UBA2: variants seen among roughly 807,000 people sequenced by gnomAD.
UBA2 encodes the protein SUMO-activating enzyme subunit 2.
UBA2 carries 11 observed loss-of-function variants against 77.2 expected under a neutral mutation model. The observed-to-expected ratio is 0.14, with a 90% confidence interval of 0.09 to 0.24. UBA2 has a LOEUF of 0.24. Ranked by LOEUF, UBA2 falls within the 10% of genes least tolerant of loss-of-function variation. The pLI, the probability that UBA2 is intolerant of heterozygous loss-of-function variation, is 1.00. For missense variants in UBA2, 487 were observed against 781.7 expected (o/e 0.62, Z 4.50); for synonymous variants, 278 against 276.7 (o/e 1.00, Z -0.05).
Position 34,454,587 on chromosome 19 carries a change from C to A in UBA2, c.1245+31C>A, listed in dbSNP as rs755317821. 7 of 1,087,216 alleles carry A rather than the reference C, an allele frequency of 6.4e-6. No individual in the cohort carries two copies. In the South Asian group the frequency reaches 1.1e-4, roughly 17 times the overall value. 67.3% of individuals were successfully genotyped at this position (1,087,216 alleles called of 1,614,324 possible). On this transcript the variant is annotated intron_variant, in intron 12 of 16. Coordinates refer to ENST00000246548, the MANE Select transcript of UBA2 (RefSeq NM_005499.3). ...TATTTCTGTTTGCATTTTTATGCAA[C>A]CCCCCTTAAAAAAATCATTAATTAA... is the stretch of plus-strand genomic sequence containing the variant.
intron 1 of UBA2, 49 bp downstream of exon 1, chr19:34,428,619 T>TGGGATTCGG (rs1185795607): frequency 3.3e-6 from 3 of 904,370 alleles, no homozygotes; most frequent in Non-Finnish European, 4.1e-6. Flanking sequence ...GTGCGGGGGC[T>TGGGATTCGG]GGGATTCGGG....
intron 8 of UBA2, among the ~76,000 whole-genome samples, chr19:34,448,200 G>A (rs2075452131): frequency 6.6e-6 from 1 of 152,116 alleles, no homozygotes; most frequent in African/African-American, 2.4e-5. Flanking sequence ...GTTGTGCAGT[G>A]CCAGAATAAT....
chr19:34,433,267 T>A, intron 3 of UBA2, 81 bp from the exon 4 acceptor site: 1 of 1,006,768 alleles, frequency 9.9e-7, no homozygotes, highest in South Asian at 1.4e-5. Context: ...TACTATGTTT[T>A]TTTCAGAACT....
At chr19:34,429,085 A>T (rs1461905102) in intron 1 of UBA2, 1 of 984,612 alleles carries the variant, frequency 1.0e-6, no homozygotes, top group Non-Finnish European at 1.2e-6. Flanking sequence ...GAGGAGTGCA[A>T]ACGCTATTTC....
Position 34,443,725 on chromosome 19 carries a change from C to T in UBA2, c.582-119C>T, listed in dbSNP as rs1235504381. 1.0e-5 allele frequency: 7 copies of T among 701,848 alleles called. No homozygotes were observed. The African/African-American group carries it at 1.2e-4, about 13-fold the overall frequency. 43.5% of individuals were successfully genotyped at this position (701,848 alleles called of 1,614,324 possible). On this transcript the variant is annotated intron_variant, in intron 6 of 16. Coordinates refer to ENST00000246548, the MANE Select transcript of UBA2 (RefSeq NM_005499.3). ...AAAATGTTGGGATTAAAGGTGTGAG[C>T]CACTGCGCCCAGCCAGTTGTTCAGT...
At position 34,456,888 on chromosome 19, in the gene UBA2, A is replaced by T. The variant is rs575704520; in HGVS notation, c.1246-1881A>T. Among the ~76,000 whole-genome samples the T allele has an allele frequency of 5.9e-4, 89 of 151,992 alleles. No individual in the cohort carries two copies. In the East Asian group the frequency reaches 7.2e-3, roughly 12 times the overall value. On this transcript the variant is annotated intron_variant, in intron 12 of 16. Transcript: ENST00000246548. ...CCAGTTTTTAAATTATTTAAAAAAA[A>T]TTTTTTATAGCAGCCTGAAGCTGTA...
At chr19:34,454,972 A>C (rs2075542280) in intron 12 of UBA2, among the ~76,000 whole-genome samples, 1 of 152,018 alleles carries the variant, frequency 6.6e-6, no homozygotes, top group Non-Finnish European at 1.5e-5. Context: ...AATGTCTGAG[A>C]TCTTTATGGG....
At chr19:34,460,975 G>A (rs779625426) in intron 14 of UBA2, among the ~76,000 whole-genome samples, 1 of 152,148 alleles carries the variant, frequency 6.6e-6, no homozygotes, top group African/African-American at 2.4e-5. Flanking sequence ...TCAGTGCCCG[G>A]TTTTGGCTTT....
intron 13 of UBA2, among the ~76,000 whole-genome samples, chr19:34,459,684 T>G (rs573622286): frequency 6.6e-6 from 1 of 152,306 alleles, no homozygotes; most frequent in African/African-American, 2.4e-5. Context: ...ACTTTCCACT[T>G]TGGGATCACT....
At position 34,463,923 on chromosome 19, in the gene UBA2, G is replaced by C. The variant is rs1044815631; in HGVS notation, c.1499-103G>C. The C allele has an allele frequency of 5.3e-6, 4 of 756,762 alleles. No individual in the cohort carries two copies. The African/African-American group carries it at 7.0e-5, about 13-fold the overall frequency. 46.9% of individuals were successfully genotyped at this position (756,762 alleles called of 1,614,324 possible). A position where few individuals can be genotyped will look rare whatever the true frequency, so the allele number is the denominator to read the frequency against. Reference sequence around the variant, plus strand: ...TTTCAACCTTTGGATTTTGGTGAACGGGACACAAATCAGCCCATAACAGAG... The same window carrying C: ...TTTCAACCTTTGGATTTTGGTGAACCGGACACAAATCAGCCCATAACAGAG... On this transcript the variant is annotated intron_variant, in intron 14 of 16. Coordinates refer to ENST00000246548, the MANE Select transcript of UBA2 (RefSeq NM_005499.3).
At chr19:34,440,449 G>C (rs1236192878) in intron 6 of UBA2, among the ~76,000 whole-genome samples, 1 of 152,092 alleles carries the variant, frequency 6.6e-6, no homozygotes, top group Non-Finnish European at 1.5e-5. Flanking sequence ...AACTTGCAAG[G>C]AGTATATTGT....
chr19:34,450,147 A>G (rs2075476578), intron 8 of UBA2, 118 bp from the exon 9 acceptor site: 2 of 662,606 alleles, frequency 3.0e-6, no homozygotes, highest in Non-Finnish European at 5.2e-6. Flanking sequence ...TGCTGCTGGT[A>G]TATGACATGT....
At chr19:34,467,361 A>G (rs1441208748) in intron 16 of UBA2, among the ~76,000 whole-genome samples, 1 of 151,606 alleles carries the variant, frequency 6.6e-6, no homozygotes, top group African/African-American at 2.4e-5. Context: ...AGTCTCCGCT[A>G]CTCAGGAGGC....
At chr19:34,457,179 A>AAAAAATATATATAT (rs1262007864) in intron 12 of UBA2, among the ~76,000 whole-genome samples, 1 of 53,222 alleles carries the variant, frequency 1.9e-5, no homozygotes, top group African/African-American at 1.2e-4. Flanking sequence ...AAAAAAAAAA[A>AAAAAATATATATAT]ATATATATAT....
intron 5 of UBA2, among the ~76,000 whole-genome samples, chr19:34,436,155 G>T (rs1176626149): frequency 1.3e-5 from 2 of 151,810 alleles, no homozygotes; most frequent in African/African-American, 4.8e-5. Context: ...TTGTCTAAGA[G>T]TCTGGGCTTA....
At chr19:34,444,849 A>G (rs2075411326) in intron 7 of UBA2, 151 bp from the exon 8 acceptor site, 2 of 740,310 alleles carry the variant, frequency 2.7e-6, no homozygotes, top group Non-Finnish European at 4.3e-6. Context: ...AAAGATGCTG[A>G]TGAATGTGTT....
At chr19:34,435,973 C>T (rs941784797) in intron 5 of UBA2, among the ~76,000 whole-genome samples, 4 of 151,564 alleles carry the variant, frequency 2.6e-5, no homozygotes, top group African/African-American at 7.3e-5. Context: ...ATACAAAAAT[C>T]AGCGGGCGTG....
intron 8 of UBA2, 132 bp from the exon 9 acceptor site, chr19:34,450,133 G>T: frequency 1.7e-6 from 1 of 596,126 alleles, no homozygotes. Context: ...TTTGAAAATT[G>T]TTATGCTGCT....
chr19:34,446,611 T>C (rs2075434077), intron 8 of UBA2, among the ~76,000 whole-genome samples: 1 of 27,730 alleles, frequency 3.6e-5, no homozygotes, highest in Non-Finnish European at 2.3e-4. Context: ...TTTTTTTCTT[T>C]CTTTTTTTTT....
Sources: gnomAD v4.1 joint callset for allele counts (sites outside exome capture counted in the v4.1 genomes callset) on GRCh38, gnomAD v4.1.1 for gene constraint, MANE v1.5 for transcripts, NCBI Gene and HGNC (gene_info 2026-07-23, HGNC 2026-07-21) for gene names.